The following CYP27A1 variants were observed in gnomAD, a reference collection of about 807,000 sequenced individuals.
The protein encoded by CYP27A1 is sterol 26-hydroxylase, mitochondrial.
CYP27A1 carries 46 observed loss-of-function variants against 58.2 expected under a neutral mutation model. The observed-to-expected ratio is 0.79, with a 90% confidence interval of 0.62 to 1.01. The LOEUF (loss-of-function observed/expected upper bound fraction) is 1.01, where lower values mean the gene tolerates loss of function less well. Among genes scored for constraint, CYP27A1 ranks in the 50% least tolerant of loss-of-function variants. The pLI is 0.00. For missense variants in CYP27A1, 704 were observed against 687.0 expected, an observed-to-expected ratio of 1.02 and a Z score of -0.28; for synonymous variants, 274 against 285.1, an observed-to-expected ratio of 0.96 and a Z score of 0.39.
At chr2:218,801,635 G>T (rs1943600699) in intron 1 of CYP27A1, among the ~76,000 whole-genome samples, 1 of 151,998 alleles carries the variant, frequency 6.6e-6, no homozygotes, top group Admixed American at 6.6e-5. Flanking sequence ...ATAGTTGAAA[G>T]TGGTATATCT....
chr2:218,805,336 G>T (rs1943640107), intron 1 of CYP27A1, among the ~76,000 whole-genome samples: 2 of 152,074 alleles, frequency 1.3e-5, no homozygotes, highest in South Asian at 4.2e-4. Context: ...GTTTCTTTCT[G>T]CTGGATTCAT....
Position 218,814,602 on chromosome 2 carries a change from C to T in CYP27A1, c.1321C>T (p.Pro441Ser). The stretch of plus-strand genomic sequence containing the variant: ...CCGGGACCCCACTGCCTTCTCTGAG[C>T]CTGAAAGCTTCCAGCCCCACCGCTG... The part of the protein sequence containing the change: ...VSRDPTAFSE[P>S]ESFQPHRWLR... Residue 441 changes from proline (P) to serine (S), a missense_variant, in exon 8 of 9, where the codon CCT becomes TCT. Coordinates refer to ENST00000258415, the MANE Select transcript of CYP27A1 (RefSeq NM_000784.4). 6.2e-7 allele frequency: 1 copy of T among 1,614,212 alleles called. No homozygotes were observed.
chr2:218,795,237 T>C (rs182421719), intron 1 of CYP27A1, among the ~76,000 whole-genome samples: 1 of 152,348 alleles, frequency 6.6e-6, no homozygotes, highest in African/African-American at 2.4e-5. Flanking sequence ...TGTTATCATC[T>C]GCCTCTGGAT....
chr2:218,809,079 T>C (rs892096097), intron 1 of CYP27A1, among the ~76,000 whole-genome samples: 15 of 152,216 alleles, frequency 9.9e-5, no homozygotes, highest in African/African-American at 3.1e-4. Flanking sequence ...ATCCAGCTTA[T>C]TGTTTTTTCT....
intron 1 of CYP27A1, among the ~76,000 whole-genome samples, chr2:218,783,270 A>AG (rs964072729): frequency 9.9e-5 from 15 of 151,136 alleles, no homozygotes; most frequent in African/African-American, 2.4e-4. Context: ...AAAAAAAAAA[A>AG]AAAAAAGAAA....
intron 1 of CYP27A1, among the ~76,000 whole-genome samples, chr2:218,796,519 G>A (rs1208197972): frequency 5.3e-5 from 8 of 151,390 alleles, no homozygotes; most frequent in East Asian, 2.0e-4. Context: ...ACTTGAACCC[G>A]GGAGGCAGAG....
At chr2:218,803,722 C>CTTTTTT (rs71040407) in intron 1 of CYP27A1, among the ~76,000 whole-genome samples, 2 of 57,750 alleles carry the variant, frequency 3.5e-5, no homozygotes, top group African/African-American at 8.4e-5. Flanking sequence ...GTGCCCCCGT[C>CTTTTTT]TTTTTTTTTT....
At chr2:218,808,625 C>T (rs1943674997) in intron 1 of CYP27A1, among the ~76,000 whole-genome samples, 1 of 152,164 alleles carries the variant, frequency 6.6e-6, no homozygotes, top group South Asian at 2.1e-4. Flanking sequence ...GGAACCGATT[C>T]TGATCCTCTC....
chr2:218,796,238 C>T (rs530563761), intron 1 of CYP27A1, among the ~76,000 whole-genome samples: 1 of 152,244 alleles, frequency 6.6e-6, no homozygotes, highest in African/African-American at 2.4e-5. Flanking sequence ...CCAATTGCAT[C>T]CTGTTGCAAA....
At chr2:218,799,924 G>T (rs913842567) in intron 1 of CYP27A1, among the ~76,000 whole-genome samples, 3 of 151,910 alleles carry the variant, frequency 2.0e-5, no homozygotes, top group Non-Finnish European at 4.4e-5. Context: ...CTTGATCAGT[G>T]CATAAAGCCT....
intron 1 of CYP27A1, among the ~76,000 whole-genome samples, chr2:218,797,972 C>T (rs1160973734): frequency 6.6e-6 from 1 of 152,180 alleles, no homozygotes; most frequent in East Asian, 1.9e-4. Context: ...AATCTTTTAA[C>T]CCTAGGCAAG....
chr2:218,784,065 A>T (rs1158440752), intron 1 of CYP27A1, among the ~76,000 whole-genome samples: 1 of 152,076 alleles, frequency 6.6e-6, no homozygotes, highest in African/African-American at 2.4e-5. Flanking sequence ...GGAGAGGCAG[A>T]TCTGAGCCAC....
intron 2 of CYP27A1, among the ~76,000 whole-genome samples, chr2:218,811,902 A>C (rs548017212): frequency 6.6e-6 from 1 of 152,300 alleles, no homozygotes; most frequent in South Asian, 2.1e-4. Context: ...CATTTTATAG[A>C]AAGGGAAACT....
chr2:218,801,617 C>A (rs1943600544), intron 1 of CYP27A1, among the ~76,000 whole-genome samples: 1 of 152,022 alleles, frequency 6.6e-6, no homozygotes, highest in African/African-American at 2.4e-5. Flanking sequence ...ACAGTCTCTG[C>A]AAATATCATA....
rs2229381 is a variant in CYP27A1 at position 218,812,299 on chromosome 2, C to T, written c.524C>T (p.Thr175Met). The T allele has an allele frequency of 1.2e-3, 1,899 of 1,614,132 alleles. 9 individuals carry two copies. The African/African-American group carries it at 0.014, about 12-fold the overall frequency. The change falls in exon 3 of 9, where the codon ACG (threonine) becomes ATG (methionine). Residue 175 changes from threonine (T) to methionine (M), a missense_variant. Coordinates refer to ENST00000258415, the MANE Select transcript of CYP27A1 (RefSeq NM_000784.4). ...AAGCCAGCGGAAGCAGCGCTCTATA[C>T]GGATGCTTTCAATGAGGTGATTGAT... Reference protein sequence around the residue: ...LLKPAEAALYTDAFNEVIDDF... With the variant: ...LLKPAEAALYMDAFNEVIDDF...
intron 1 of CYP27A1, 135 bp from the exon 2 acceptor site, chr2:218,809,442 C>CATTTT: frequency 2.7e-6 from 1 of 369,560 alleles, no homozygotes; most frequent in Non-Finnish European, 4.9e-6. Flanking sequence ...ACACAATGCC[C>CATTTT]TTTTTTTTTT....
At chr2:218,812,181 A>G (rs1233093760) in intron 2 of CYP27A1, 41 bp from the exon 3 acceptor site, 2 of 1,533,002 alleles carry the variant, frequency 1.3e-6, no homozygotes, top group African/African-American at 2.7e-5. Context: ...TTGAACCCCC[A>G]TAGAGGCTTA....
chr2:218,792,451 A>T (rs1036459295), intron 1 of CYP27A1, among the ~76,000 whole-genome samples: 4 of 152,138 alleles, frequency 2.6e-5, no homozygotes, highest in African/African-American at 4.8e-5. Context: ...CAGTTTCTTC[A>T]CTGAAGTTTC....
intron 2 of CYP27A1, 151 bp downstream of exon 2, chr2:218,809,918 T>C: frequency 1.5e-6 from 1 of 679,324 alleles, no homozygotes; most frequent in East Asian, 2.7e-5. Flanking sequence ...TGGGAGGTGC[T>C]GAAGCCCAGG....
Sources: gnomAD v4.1 joint callset for allele counts (sites outside exome capture counted in the v4.1 genomes callset) on GRCh38, gnomAD v4.1.1 for gene constraint, MANE v1.5 for transcripts, NCBI Gene and HGNC (gene_info 2026-07-23, HGNC 2026-07-21) for gene names.